LIPE: variants seen among roughly 807,000 people sequenced by gnomAD.
LIPE encodes the protein hormone-sensitive lipase.
Under a neutral mutation model 88.5 loss-of-function variants are expected in LIPE, and 66 were observed. That is an observed-to-expected ratio of 0.75 (90% confidence interval 0.61 to 0.91). The LOEUF (loss-of-function observed/expected upper bound fraction) is 0.91, where lower values mean the gene tolerates loss of function less well. LIPE is among the 40% of genes least tolerant of loss of function. The probability of loss-of-function intolerance (pLI) is 0.00; values close to 1 mark genes in which losing one functional copy is unlikely to be tolerated. For synonymous variants in LIPE, 570 were observed against 617.5 expected, an observed-to-expected ratio of 0.92 and a Z score of 1.14; for missense variants, 1,346 against 1,434.7, an observed-to-expected ratio of 0.94 and a Z score of 1.00.
intron 1 of LIPE, among the ~76,000 whole-genome samples, chr19:42,418,263 G>A (rs557469323): frequency 2.0e-5 from 3 of 152,310 alleles, no homozygotes; most frequent in Admixed American, 2.0e-4. Flanking sequence ...GATTATAGGT[G>A]TGAGCCACCG....
intron 1 of LIPE, among the ~76,000 whole-genome samples, chr19:42,420,690 C>T (rs2040581279): frequency 6.6e-6 from 1 of 152,142 alleles, no homozygotes; most frequent in Non-Finnish European, 1.5e-5. Flanking sequence ...CTCCCTGGTC[C>T]AGGCGGTAGC....
intron 1 of LIPE, among the ~76,000 whole-genome samples, chr19:42,415,804 C>T (rs138726583): frequency 6.1e-5 from 9 of 148,710 alleles, no homozygotes; most frequent in South Asian, 4.3e-4. Context: ...AGTGAGACTC[C>T]GTCTGGAAAA....
At chr19:42,403,292 T>TGTGTGTGTGTGTGTGA (rs200935735) in intron 8 of LIPE, among the ~76,000 whole-genome samples, 5 of 129,094 alleles carry the variant, frequency 3.9e-5, no homozygotes, top group South Asian at 5.3e-4. Flanking sequence ...TGTGTGTGTG[T>TGTGTGTGTGTGTGTGA]GACTGGGAAG....
At chr19:42,409,868 G>A (rs911504607) in intron 2 of LIPE, among the ~76,000 whole-genome samples, 2 of 152,082 alleles carry the variant, frequency 1.3e-5, no homozygotes, top group African/African-American at 2.4e-5. Flanking sequence ...CTAGCCTGAA[G>A]GGAAGCCTGG....
intron 1 of LIPE, among the ~76,000 whole-genome samples, chr19:42,415,577 G>A (rs1340721517): frequency 1.3e-5 from 2 of 152,188 alleles, no homozygotes; most frequent in African/African-American, 4.8e-5. Context: ...TTGGGAGGCC[G>A]AGGCGGGCGG....
At chr19:42,402,484 G>T in intron 9 of LIPE, 123 bp downstream of exon 9, 1 of 844,434 alleles carries the variant, frequency 1.2e-6, no homozygotes, top group Non-Finnish European at 1.7e-6. Flanking sequence ...CTGGGGACAC[G>T]CCTGTCCCTT....
rs1405395594 is a variant in LIPE, at chr19:42,424,586, C to T, written c.883+1681G>A. ...CAAAGCATACCCAGCAGCCCCGGCGCTGAGAAACGCGTTACTCTCTTATCA... is the reference window on the plus strand; with the variant it reads ...CAAAGCATACCCAGCAGCCCCGGCGTTGAGAAACGCGTTACTCTCTTATCA... On this transcript the variant is annotated intron_variant, in intron 1 of 9. Transcript: ENST00000244289. 5 of 456,364 alleles carry T rather than the reference C, an allele frequency of 1.1e-5. No individual in the cohort carries two copies. In the Admixed American group the frequency reaches 1.2e-4, roughly 11 times the overall value. The allele number at this position is 456,364 out of a possible 1,614,324, so 28.3% of individuals were successfully genotyped here.
rs1332904639 is a variant in LIPE, at chr19:42,401,945, C to T, written c.3098G>A (p.Cys1033Tyr). The change falls in exon 10 of 10, where the codon TGC becomes TAC. Residue 1033 changes from cysteine to tyrosine, a missense_variant. Coordinates refer to ENST00000244289, the MANE Select transcript of LIPE (RefSeq NM_005357.4). ...CTCTGCGGCCTGGCGCGTCTCGCGG[C>T]ACAGCGCCGCTAGGGTCAGGAAGCC... is the stretch of plus-strand genomic sequence containing the variant. Reference protein sequence around the residue: ...PHGFLTLAALCRETRQAAELC... With the variant: ...PHGFLTLAALYRETRQAAELC... The T allele has an allele frequency of 1.3e-6, 2 of 1,556,784 alleles. No homozygotes were observed. Among genetic ancestry groups the T allele is most frequent in the Non-Finnish European group, 1.7e-6 (2 of 1,155,324 alleles).
Position 42,407,828 on chromosome 19 carries a change from C to T in LIPE, c.1657-37G>A, listed in dbSNP as rs777338898. ...GGACAGAAGGGGTGCTAGGGAAGGT[C>T]TGCCTGCAGGGGTGCCCTTCACCTC... On this transcript the variant is annotated intron_variant, in intron 4 of 9. Coordinates refer to ENST00000244289, the MANE Select transcript of LIPE (RefSeq NM_005357.4). This position sits in a 1 kb window ranked among gnomAD's most constrained non-coding sequence, Gnocchi z 5.8. 1.7e-5 allele frequency: 26 copies of T among 1,546,382 alleles called. No individual in the cohort carries two copies. The South Asian group carries it at 3.2e-4, about 19-fold the overall frequency.
chr19:42,424,925 A>C (rs548459323), intron 1 of LIPE: 1 of 331,246 alleles, frequency 3.0e-6, no homozygotes, highest in African/African-American at 2.2e-5. Flanking sequence ...CGGTGAGCCC[A>C]GAGCCTTGGG....
In LIPE at chr19:42,407,422, C is replaced by A. The variant is rs146617137; in HGVS notation, c.1889G>T (p.Ser630Ile). The A allele has an allele frequency of 1.9e-6, 3 of 1,613,444 alleles. No individual in the cohort carries two copies. The highest frequency in any genetic ancestry group is 2.5e-6 in the Non-Finnish European group (3 of 1,179,772). Residue 630 changes from serine to isoleucine, a missense_variant, in exon 6 of 10, where the codon AGC (serine) becomes ATC (isoleucine). By Grantham distance (142) the Ser-to-Ile change is moderately radical (BLOSUM62 -2). Transcript: ENST00000244289. The surrounding 1 kb of genome is among the most constrained non-coding windows in gnomAD (Gnocchi z 5.8). ...CTGGGGGCGCGGCCACAGCTCCAGG[C>A]TCCGTTGGCCGTTGGACTTTATCAG... ...SSLIKSNGQR[S>I]LELWPRPQQA...
chr19:42,423,183 G>C (rs914148032), intron 1 of LIPE: 3 of 298,412 alleles, frequency 1.0e-5, no homozygotes, highest in Non-Finnish European at 2.0e-5. Flanking sequence ...TCGCATTCCG[G>C]ACTCTGCTCC....
intron 1 of LIPE, among the ~76,000 whole-genome samples, chr19:42,417,908 A>G (rs935794883): frequency 1.3e-5 from 2 of 152,312 alleles, no homozygotes; most frequent in African/African-American, 4.8e-5. Context: ...TAGCAGGAAC[A>G]ATGGCAACAA....
intron 1 of LIPE, among the ~76,000 whole-genome samples, chr19:42,419,984 C>A (rs1250860886): frequency 6.6e-6 from 1 of 151,602 alleles, no homozygotes. Flanking sequence ...CTGCCTTGGT[C>A]TCCCAAAGTG....
intron 1 of LIPE, among the ~76,000 whole-genome samples, chr19:42,413,931 C>T (rs1454551769): frequency 2.0e-5 from 3 of 152,156 alleles, no homozygotes; most frequent in Non-Finnish European, 4.4e-5. Context: ...GGCTGGCAGA[C>T]AGATGGATAG....
At position 42,426,580 on chromosome 19, in the gene LIPE, TG is replaced by T; in HGVS notation, c.569del (p.Pro190GlnfsTer12). The T allele has an allele frequency of 6.2e-7, 1 of 1,614,234 alleles. No individual in the cohort carries two copies. The highest frequency in any genetic ancestry group is 1.1e-5 in the South Asian group (1 of 91,088). On this transcript the variant is annotated frameshift_variant, in exon 1 of 10. Coordinates refer to ENST00000244289, the MANE Select transcript of LIPE (RefSeq NM_005357.4). LOFTEE classifies it high-confidence loss of function. ...CCTGCTTGGATTTGGCTCCCTGGAC[TG>T]GCGTTGTTTGCTTGTCTGACTGTTC... is the stretch of plus-strand genomic sequence containing the variant. ...TPEQSDKQTT[P>X]VQGAKSKQGS...
In LIPE at chr19:42,426,260, C is replaced by T. The variant is rs953807783; in HGVS notation, c.883+7G>A. ...AGAGGCTTCAATTCCTCCAGATTCA[C>T]ACTCACCTGTATCCTGGTAGTGTCT... On this transcript the variant is annotated splice_region_variant and intron_variant, in intron 1 of 9. Transcript: ENST00000244289. The T allele has an allele frequency of 1.3e-6, 2 of 1,590,364 alleles. No homozygotes were observed. The highest frequency in any genetic ancestry group is 1.1e-5 in the South Asian group (1 of 90,134).
Position 42,407,855 on chromosome 19 carries a change from C to T in LIPE, c.1657-64G>A, listed in dbSNP as rs1181347173. The T allele has an allele frequency of 1.2e-5, 19 of 1,549,052 alleles. No homozygotes were observed. The highest frequency in any genetic ancestry group is 1.6e-5 in the Non-Finnish European group (18 of 1,147,948). On this transcript the variant is annotated intron_variant, in intron 4 of 9. Transcript: ENST00000244289. This position sits in a 1 kb window ranked among gnomAD's most constrained non-coding sequence, Gnocchi z 5.8. ...GCCTGCAGGGGTGCCCTTCACCTCT[C>T]CCTCTGATCCCCAGTCTTTCCCCTT...
Position 42,426,386 on chromosome 19 carries a change from G to T in LIPE, c.764C>A (p.Ala255Asp). 1 of 1,613,930 alleles carries T rather than the reference G, an allele frequency of 6.2e-7. No homozygotes were observed. The highest frequency in any genetic ancestry group is 8.5e-7 in the Non-Finnish European group (1 of 1,179,966). ...TTTGAAGCCTAGCTTCACTCCCTGG[G>T]CCACCATTCCACCCATCGTGGCTGG... ...DSPATMGGMV[A>D]QGVKLGFKGK... The change falls in exon 1 of 10, where the codon GCC (alanine) becomes GAC (aspartate). Residue 255 changes from alanine to aspartate, a missense_variant. Coordinates refer to ENST00000244289, the MANE Select transcript of LIPE (RefSeq NM_005357.4).
Sources: allele counts gnomAD v4.1 joint callset (sites outside exome capture counted in the v4.1 genomes callset), GRCh38; gene constraint gnomAD v4.1.1; non-coding constraint Gnocchi (gnomAD v3.1); transcripts MANE v1.5; gene names NCBI Gene and HGNC (gene_info 2026-07-23, HGNC 2026-07-21).